Variants in IL23R observed in about 807,000 individuals in gnomAD.
IL23R encodes the protein interleukin 23 receptor.
Under a neutral mutation model 56.9 loss-of-function variants are expected in IL23R, and 34 were observed. The ratio of observed to expected loss-of-function variants is 0.60; its 90% confidence interval spans 0.45 to 0.80. IL23R has a LOEUF of 0.80. IL23R is among the 30% of genes least tolerant of loss of function. The probability of loss-of-function intolerance (pLI) is 0.00; values close to 1 mark genes in which losing one functional copy is unlikely to be tolerated. For missense variants in IL23R, 635 were observed against 730.0 expected (o/e 0.87, Z 1.50); for synonymous variants, 230 against 249.2 (o/e 0.92, Z 0.73).
intron 9 of IL23R, among the ~76,000 whole-genome samples, chr1:67,240,734 T>G (rs1651790975): frequency 6.6e-6 from 1 of 152,226 alleles, no homozygotes; most frequent in African/African-American, 2.4e-5. Context: ...AAATTAAATT[T>G]AAAGGAGTTT....
intron 3 of IL23R, among the ~76,000 whole-genome samples, chr1:67,178,140 T>C (rs1647036698): frequency 6.6e-6 from 1 of 152,180 alleles, no homozygotes; most frequent in African/African-American, 2.4e-5. Context: ...ACTAGTTTTT[T>C]CCAATTCTGT....
intron 4 of IL23R, among the ~76,000 whole-genome samples, chr1:67,193,306 C>T (rs1647885079): frequency 6.6e-6 from 1 of 152,168 alleles, no homozygotes; most frequent in African/African-American, 2.4e-5. Context: ...GAACATTTCT[C>T]ACCATACATA....
intron 7 of IL23R, among the ~76,000 whole-genome samples, chr1:67,229,803 C>T (rs1380731691): frequency 6.6e-6 from 1 of 152,176 alleles, no homozygotes; most frequent in Non-Finnish European, 1.5e-5. Context: ...GGGATTAGGA[C>T]ACGGACATCT....
At chr1:67,230,150 C>T (rs1651000955) in intron 7 of IL23R, among the ~76,000 whole-genome samples, 1 of 152,186 alleles carries the variant, frequency 6.6e-6, no homozygotes, top group African/African-American at 2.4e-5. Context: ...ATGGTGCCCA[C>T]ATTGGATTCT....
At chr1:67,155,237 T>A (rs1181452622) in intron 1 of IL23R, among the ~76,000 whole-genome samples, 1 of 152,202 alleles carries the variant, frequency 6.6e-6, no homozygotes, top group East Asian at 1.9e-4. Context: ...TTCCTTCATT[T>A]TGACCTTGGA....
At chr1:67,221,351 A>G (rs983421178) in intron 7 of IL23R, among the ~76,000 whole-genome samples, 22 of 152,176 alleles carry the variant, frequency 1.4e-4, no homozygotes, top group African/African-American at 3.9e-4. Flanking sequence ...TATTCTCCTA[A>G]AAGAGACACA....
chr1:67,149,027 T>C (rs1646706095), intron 1 of IL23R, among the ~76,000 whole-genome samples: 1 of 152,148 alleles, frequency 6.6e-6, no homozygotes, highest in Admixed American at 6.5e-5. Flanking sequence ...AAACCACTAG[T>C]TGGGGCACTT....
At chr1:67,155,186 T>TACAA (rs1646761136) in intron 1 of IL23R, among the ~76,000 whole-genome samples, 1 of 152,238 alleles carries the variant, frequency 6.6e-6, no homozygotes, top group Non-Finnish European at 1.5e-5. Flanking sequence ...CTTCCCTTTG[T>TACAA]AGGTGACCTG....
At chr1:67,222,396 C>T (rs932985445) in intron 7 of IL23R, among the ~76,000 whole-genome samples, 4 of 152,080 alleles carry the variant, frequency 2.6e-5, no homozygotes, top group South Asian at 2.1e-4. Context: ...GGATTACAGG[C>T]GTGAGCCATG....
chr1:67,144,832 CTTACTG>C (rs1312143626), intron 1 of IL23R, among the ~76,000 whole-genome samples: 3 of 152,198 alleles, frequency 2.0e-5, no homozygotes, highest in Non-Finnish European at 4.4e-5. Flanking sequence ...TTATCACCTA[CTTACTG>C]ATAATTCCTG....
At chr1:67,176,985 T>A (rs577001984) in intron 3 of IL23R, among the ~76,000 whole-genome samples, 1 of 152,258 alleles carries the variant, frequency 6.6e-6, no homozygotes, top group Non-Finnish European at 1.5e-5. Context: ...CCATGCTATA[T>A]ATGTGCCACA....
chr1:67,205,437 ACGCCTACAGGCCCTTGAGTT>A (rs905781643), intron 5 of IL23R, among the ~76,000 whole-genome samples: 26 of 152,214 alleles, frequency 1.7e-4, no homozygotes. Flanking sequence ...CTCTAAAACC[ACGCCTACAGGCCCTTGAGTT>A]CTTTGTTAAA....
chr1:67,163,501 C>CAGAAA (rs1039580003), upstream of IL23R, among the ~76,000 whole-genome samples: 1 of 109,984 alleles, frequency 9.1e-6, no homozygotes, highest in African/African-American at 3.5e-5. Flanking sequence ...AAAAAAAAGA[C>CAGAAA]AGAAAAGAAA....
chr1:67,234,454 AT>A (rs1310380806), intron 7 of IL23R, among the ~76,000 whole-genome samples: 1 of 152,216 alleles, frequency 6.6e-6, no homozygotes, highest in Non-Finnish European at 1.5e-5. Context: ...CTAGTCAGAT[AT>A]GAAAATTGTT....
At chr1:67,236,974 T>C (rs1172499302) in intron 8 of IL23R, among the ~76,000 whole-genome samples, 172 bp downstream of exon 8, 1 of 152,242 alleles carries the variant, frequency 6.6e-6, no homozygotes, top group Non-Finnish European at 1.5e-5. Flanking sequence ...AAACTGAATG[T>C]AAGAAGTGGC....
chr1:67,212,543 C>CTT (rs71663275), intron 6 of IL23R, among the ~76,000 whole-genome samples: 7,830 of 144,936 alleles, frequency 0.054, 365 homozygotes, highest in African/African-American at 0.13. Flanking sequence ...GTCATGCAAT[C>CTT]TTTTTTTTTT....
At chr1:67,221,315 C>T (rs976326614) in intron 7 of IL23R, among the ~76,000 whole-genome samples, 2 of 152,094 alleles carry the variant, frequency 1.3e-5, no homozygotes, top group Admixed American at 6.5e-5. Context: ...AGTGAGACTC[C>T]ATCTCAGAAA....
At chr1:67,229,872 T>C (rs548320559) in intron 7 of IL23R, among the ~76,000 whole-genome samples, 1 of 152,302 alleles carries the variant, frequency 6.6e-6, no homozygotes, top group South Asian at 2.1e-4. Context: ...CTACCACCAA[T>C]TGCAGTTTTT....
chr1:67,180,566 T>C (rs1414422900), intron 3 of IL23R, among the ~76,000 whole-genome samples: 2 of 152,248 alleles, frequency 1.3e-5, no homozygotes, highest in African/African-American at 4.8e-5. Context: ...GTCTTGACTC[T>C]TTATCCAATT....
Sources: allele counts gnomAD v4.1 joint callset (sites outside exome capture counted in the v4.1 genomes callset), GRCh38; gene constraint gnomAD v4.1.1; transcripts MANE v1.5; gene names NCBI Gene and HGNC (gene_info 2026-07-23, HGNC 2026-07-21).